The following SLC26A7 variants were observed in gnomAD, a reference collection of about 807,000 sequenced individuals.
SLC26A7 encodes the protein anion exchange transporter.
Under a neutral mutation model 82.5 loss-of-function variants are expected in SLC26A7, and 59 were observed. That is an observed-to-expected ratio of 0.72 (90% CI 0.58 to 0.89). The LOEUF is 0.89. Ranked by LOEUF, SLC26A7 falls within the 40% of genes least tolerant of loss-of-function variation. The pLI is 0.00. For synonymous variants in SLC26A7, 271 were observed against 274.3 expected, an observed-to-expected ratio of 0.99 and a Z score of 0.12; for missense variants, 820 against 793.0, an observed-to-expected ratio of 1.03 and a Z score of -0.41.
chr8:91,318,238 T>C lies in SLC26A7; in HGVS notation c.500T>C (p.Leu167Pro), dbSNP rs754869989. 6.2e-7 allele frequency: 1 copy of C among 1,600,940 alleles called. No homozygotes were observed. Among genetic ancestry groups the C allele is most frequent in the East Asian group, 2.3e-5 (1 of 43,940 alleles). ...TAGGTGGCCATGTTTGTGCTGCAAC[T>C]GGGCAGTGCCACATTTGTGGTCACA... ...VIQVAMFVLQ[L>P]GSATFVVTEP... Residue 167 changes from leucine to proline, a missense_variant, in exon 5 of 19, where the codon CTG becomes CCG. Coordinates refer to ENST00000276609, the MANE Select transcript of SLC26A7 (RefSeq NM_052832.4).
At chr8:91,258,477 A>C (rs1810868508) in intron 2 of SLC26A7, among the ~76,000 whole-genome samples, 1 of 151,958 alleles carries the variant, frequency 6.6e-6, no homozygotes, top group Admixed American at 6.6e-5. Context: ...AACTATATTC[A>C]ATTAACCAAG....
intron 15 of SLC26A7, among the ~76,000 whole-genome samples, chr8:91,382,344 A>T (rs1338740293): frequency 1.3e-5 from 2 of 152,258 alleles, no homozygotes; most frequent in Non-Finnish European, 1.5e-5. Flanking sequence ...ACATTATACA[A>T]GCTCTCCATC....
chr8:91,262,664 T>C (rs1010424313), intron 2 of SLC26A7, among the ~76,000 whole-genome samples: 1 of 152,016 alleles, frequency 6.6e-6, no homozygotes, highest in Non-Finnish European at 1.5e-5. Flanking sequence ...TATTTGACTT[T>C]TTTTTTTCTC....
intron 1 of SLC26A7, among the ~76,000 whole-genome samples, chr8:91,210,395 A>G (rs1032837389): frequency 6.6e-5 from 10 of 152,154 alleles, no homozygotes; most frequent in African/African-American, 2.4e-4. Flanking sequence ...TGATGATACC[A>G]TTACTCCCAA....
At chr8:91,288,471 C>T (rs1005460249) in intron 2 of SLC26A7, among the ~76,000 whole-genome samples, 2 of 152,122 alleles carry the variant, frequency 1.3e-5, no homozygotes, top group Admixed American at 6.5e-5. Context: ...ATAGTCTTTA[C>T]AAGGAATAAA....
intron 2 of SLC26A7, among the ~76,000 whole-genome samples, chr8:91,274,735 C>T (rs1366828147): frequency 6.6e-6 from 1 of 152,206 alleles, no homozygotes; most frequent in Non-Finnish European, 1.5e-5. Context: ...GTGCCTGGCA[C>T]ATAGATAGGT....
chr8:91,289,053 G>A lies in SLC26A7; in HGVS notation c.194-83G>A, dbSNP rs1321928469. ...AAAGTATGATTCATTTTGTCTATAA[G>A]TAAACCAATACCTATTCTTTTGTGT... On this transcript the variant is annotated intron_variant, in intron 2 of 18. Coordinates refer to ENST00000276609, the MANE Select transcript of SLC26A7 (RefSeq NM_052832.4). 2.7e-5 allele frequency: 23 copies of A among 859,044 alleles called. No homozygotes were observed. The Admixed American group carries it at 4.6e-4, about 17-fold the overall frequency. The allele number at this position is 859,044 out of a possible 1,614,324, so 53.2% of individuals were successfully genotyped here.
At chr8:91,283,642 T>G (rs566277301) in intron 2 of SLC26A7, among the ~76,000 whole-genome samples, 41 of 152,326 alleles carry the variant, frequency 2.7e-4, no homozygotes, top group African/African-American at 9.6e-4. Flanking sequence ...AACTTTAAAG[T>G]GCTTCTCTCC....
intron 3 of SLC26A7, among the ~76,000 whole-genome samples, chr8:91,291,515 C>T (rs1043131012): frequency 2.0e-4 from 30 of 152,236 alleles, no homozygotes; most frequent in African/African-American, 5.5e-4. Context: ...TGTTTTAATA[C>T]TAACCTCTAA....
chr8:91,358,998 G>T, intron 11 of SLC26A7, among the ~76,000 whole-genome samples: 1 of 152,188 alleles, frequency 6.6e-6, no homozygotes, highest in Non-Finnish European at 1.5e-5. Flanking sequence ...GTTAATGGCT[G>T]CAGCACACCA....
At chr8:91,376,300 T>C (rs1224463555) in intron 15 of SLC26A7, among the ~76,000 whole-genome samples, 1 of 152,206 alleles carries the variant, frequency 6.6e-6, no homozygotes, top group East Asian at 1.9e-4. Context: ...CTCTGTCTTT[T>C]TGTACTGCAG....
At chr8:91,258,146 G>C (rs1810859180) in intron 2 of SLC26A7, among the ~76,000 whole-genome samples, 1 of 152,068 alleles carries the variant, frequency 6.6e-6, no homozygotes, top group South Asian at 2.1e-4. Context: ...ATTTTGGGGG[G>C]TCACAGAGCC....
chr8:91,265,539 A>T (rs547305670), intron 2 of SLC26A7, among the ~76,000 whole-genome samples: 2 of 152,066 alleles, frequency 1.3e-5, no homozygotes, highest in East Asian at 3.9e-4. Context: ...CTGCATCCTC[A>T]CTAGCATTTG....
chr8:91,365,713 A>G (rs1328716798), intron 13 of SLC26A7, among the ~76,000 whole-genome samples: 7 of 152,184 alleles, frequency 4.6e-5, no homozygotes. Context: ...AAGTTAAATG[A>G]ATTGTCCAAA....
At position 91,385,761 on chromosome 8, in the gene SLC26A7, A is replaced by G. The variant is rs182987328; in HGVS notation, c.1676-3577A>G. On this transcript the variant is annotated intron_variant, in intron 15 of 18. Transcript: ENST00000276609. ...AGCCCCAAACACTTTCAGAGTTAAT[A>G]ATCTATCATCATGTACATTATGAGA... Among the ~76,000 whole-genome samples, 5 of 152,328 alleles carry G rather than the reference A, an allele frequency of 3.3e-5. No homozygotes were observed. In the East Asian group the frequency reaches 9.6e-4, roughly 29 times the overall value.
chr8:91,251,551 C>T (rs367749882), intron 2 of SLC26A7, among the ~76,000 whole-genome samples: 24 of 152,098 alleles, frequency 1.6e-4, no homozygotes. Flanking sequence ...TGCTCATCTA[C>T]TACGTATAGA....
intron 15 of SLC26A7, among the ~76,000 whole-genome samples, chr8:91,376,881 G>A (rs867675654): frequency 4.6e-5 from 7 of 152,010 alleles, no homozygotes; most frequent in Admixed American, 1.3e-4. Flanking sequence ...CCTCCCTATC[G>A]CACCCCTGCC....
At chr8:91,305,232 A>G (rs1812272349) in intron 4 of SLC26A7, among the ~76,000 whole-genome samples, 2 of 152,054 alleles carry the variant, frequency 1.3e-5, no homozygotes, top group South Asian at 4.1e-4. Flanking sequence ...AATTAAATTG[A>G]GTTTTTTTTT....
chr8:91,309,691 TG>T (rs1271369280), intron 4 of SLC26A7, among the ~76,000 whole-genome samples: 1 of 151,892 alleles, frequency 6.6e-6, no homozygotes, highest in Non-Finnish European at 1.5e-5. Context: ...AAAGTACACT[TG>T]GGAGGGGGTC....
Sources: gnomAD v4.1 joint callset for allele counts (sites outside exome capture counted in the v4.1 genomes callset) on GRCh38, gnomAD v4.1.1 for gene constraint, MANE v1.5 for transcripts, NCBI Gene and HGNC (gene_info 2026-07-23, HGNC 2026-07-21) for gene names.